The following GGH variants were observed in gnomAD, a reference collection of about 807,000 sequenced individuals.
GGH encodes gamma-glutamyl hydrolase, also known as gamma-Glu-X carboxypeptidase.
In GGH, 18 loss-of-function variants were observed where a neutral mutation model predicts 39.2. The observed-to-expected ratio is 0.46, with a 90% CI of 0.32 to 0.68. The LOEUF (loss-of-function observed/expected upper bound fraction) is 0.68, where lower values mean the gene tolerates loss of function less well. Ranked by LOEUF, GGH falls within the 30% of genes least tolerant of loss-of-function variation. The pLI is 0.04. For missense variants in GGH, 367 were observed against 384.1 expected, an observed-to-expected ratio of 0.96 and a Z score of 0.37; for synonymous variants, 147 against 138.8, an observed-to-expected ratio of 1.06 and a Z score of -0.42.
At chr8:63,021,669 CTTTTTT>C (rs752057959) in intron 7 of GGH, among the ~76,000 whole-genome samples, 2 of 93,312 alleles carry the variant, frequency 2.1e-5, no homozygotes, top group Non-Finnish European at 3.9e-5. Flanking sequence ...ATCTCATATC[CTTTTTT>C]TTTTTTTTTT....
rs1395657911 is a variant in GGH at position 63,038,703 on chromosome 8, C to T, written c.66G>A (p.Glu22=). Residue 22 remains glutamate (E), a synonymous_variant, in exon 1 of 9, where the codon GAG becomes GAA. Coordinates refer to ENST00000260118, the MANE Select transcript of GGH (RefSeq NM_003878.3). ...CGGTGTCGCCGTGGGGTCTAGACAGCTCGAGGCTCGCCGCCCCGCAGAGTA... is the reference window on the plus strand; with the variant it reads ...CGGTGTCGCCGTGGGGTCTAGACAGTTCGAGGCTCGCCGCCCCGCAGAGTA... ...GLLLCGAASL[E]LSRPHGDTAK... is the part of the protein sequence containing the mutation. The T allele has an allele frequency of 1.3e-6, 2 of 1,584,520 alleles. No individual in the cohort carries two copies. The highest frequency in any genetic ancestry group is 8.6e-7 in the Non-Finnish European group (1 of 1,165,684).
chr8:63,027,229 G>A lies in GGH; in HGVS notation c.312C>T (p.Arg104=). The stretch of plus-strand genomic sequence containing the variant: ...TTTTGGCCACTTTAGCATAATCTGA[G>A]CGTCTGAGGTCAACACTTCCTCCAG... ...LFPGGSVDLR[R]SDYAKVAKIF... is the part of the protein sequence containing the mutation. Residue 104 remains arginine (R), a synonymous_variant, in exon 4 of 9, where the codon CGC becomes CGT. Transcript: ENST00000260118. 6.3e-7 allele frequency: 1 copy of A among 1,595,336 alleles called. No homozygotes were observed. Among genetic ancestry groups the A allele is most frequent in the African/African-American group, 1.3e-5 (1 of 74,570 alleles).
At chr8:63,015,943 T>G (rs1364732832) in intron 8 of GGH, among the ~76,000 whole-genome samples, 1 of 152,118 alleles carries the variant, frequency 6.6e-6, no homozygotes, top group Non-Finnish European at 1.5e-5. Context: ...GATAAAAATG[T>G]TTTTATGGTA....
Position 63,017,513 on chromosome 8 carries a change from G to A in GGH, c.815C>T (p.Ala272Val). 2.5e-6 allele frequency: 4 copies of A among 1,610,192 alleles called. No homozygotes were observed. The highest frequency in any genetic ancestry group is 3.4e-6 in the Non-Finnish European group (4 of 1,178,262). The part of the protein sequence containing the change: ...PNAVKTAFYL[A>V]EFFVNEARKN... The stretch of plus-strand genomic sequence containing the variant: ...ATTACCTTCATTAACAAAAAACTCT[G>A]CTAAATAAAATGCGGTTTTCACAGC... The change falls in exon 8 of 9, where the codon GCA becomes GTA. Residue 272 changes from alanine to valine, a missense_variant. Ala to Val is a moderately conservative substitution (Grantham distance 64). Transcript: ENST00000260118.
Position 63,026,326 on chromosome 8 carries a change from T to C in GGH, c.361-30A>G, listed in dbSNP as rs574560619. On this transcript the variant is annotated intron_variant, in intron 4 of 8. Coordinates refer to ENST00000260118, the MANE Select transcript of GGH (RefSeq NM_003878.3). Reference sequence around the variant, plus strand: ...GCAAGTGGAAAAAGAGAAAACTAAGTTTATTCAAACTTTTCAAAATAAAAA... The same window carrying C: ...GCAAGTGGAAAAAGAGAAAACTAAGCTTATTCAAACTTTTCAAAATAAAAA... 3.2e-6 allele frequency: 5 copies of C among 1,567,504 alleles called. No homozygotes were observed. In the Admixed American group the frequency reaches 7.5e-5, roughly 24 times the overall value.
At chr8:63,038,061 T>C (rs186128463) in intron 1 of GGH, among the ~76,000 whole-genome samples, 1 of 152,234 alleles carries the variant, frequency 6.6e-6, no homozygotes, top group Non-Finnish European at 1.5e-5. Context: ...ATGTGTGTTT[T>C]GGTAACACAG....
At chr8:63,035,596 C>T (rs1380408243) in intron 2 of GGH, 60 bp downstream of exon 2, 10 of 1,563,746 alleles carry the variant, frequency 6.4e-6, no homozygotes, top group African/African-American at 2.8e-5. Flanking sequence ...TGAGGCACCG[C>T]ACCCGTACGC....
At chr8:63,021,871 G>A (rs962381834) in intron 7 of GGH, among the ~76,000 whole-genome samples, 1 of 151,382 alleles carries the variant, frequency 6.6e-6, no homozygotes, top group Admixed American at 6.6e-5. Context: ...ACGGGGTTTC[G>A]CCATGTTGGC....
intron 2 of GGH, among the ~76,000 whole-genome samples, chr8:63,034,174 C>T (rs548783146): frequency 2.6e-5 from 4 of 151,650 alleles, no homozygotes; most frequent in South Asian, 2.1e-4. Context: ...TCTTCCTCAG[C>T]TCTAAAACTC....
intron 1 of GGH, among the ~76,000 whole-genome samples, chr8:63,036,225 A>G (rs1804905876): frequency 6.6e-6 from 1 of 152,092 alleles, no homozygotes; most frequent in African/African-American, 2.4e-5. Context: ...TCCCCACCAC[A>G]CTATCATAAT....
chr8:63,021,594 C>A (rs1373324659), intron 7 of GGH, among the ~76,000 whole-genome samples: 2 of 150,956 alleles, frequency 1.3e-5, no homozygotes, highest in African/African-American at 4.9e-5. Context: ...TTACACTGAG[C>A]AACTTATCTC....
intron 8 of GGH, chr8:63,017,227 A>C (rs187013793): frequency 7.7e-5 from 26 of 335,994 alleles, no homozygotes; most frequent in Non-Finnish European, 1.1e-4. Flanking sequence ...CAAAAAAAAA[A>C]CTCTCAACAT....
chr8:63,016,383 G>A (rs1804488073), intron 8 of GGH, among the ~76,000 whole-genome samples: 2 of 152,076 alleles, frequency 1.3e-5, no homozygotes, highest in South Asian at 2.1e-4. Context: ...TGATTCTAAA[G>A]CAGAGTGAAC....
chr8:63,025,538 G>C (rs1804668044), intron 5 of GGH, among the ~76,000 whole-genome samples: 1 of 152,116 alleles, frequency 6.6e-6, no homozygotes. Flanking sequence ...TTTGAGACCA[G>C]CCTGGCCAAT....
rs756429622 is a variant in GGH, at chr8:63,015,359, T to A, written c.930A>T (p.Ser310=). 1.0e-5 allele frequency: 14 copies of A among 1,405,358 alleles called. No individual in the cohort carries two copies. The East Asian group carries it at 2.3e-4, about 23-fold the overall frequency. 87.1% of individuals were successfully genotyped at this position (1,405,358 alleles called of 1,614,324 possible). A position where few individuals can be genotyped will look rare whatever the true frequency, so the allele number is the denominator to read the frequency against. The change falls in exon 9 of 9, where the codon TCA becomes TCT. Residue 310 remains serine, a synonymous_variant. Coordinates refer to ENST00000260118, the MANE Select transcript of GGH (RefSeq NM_003878.3). ...FSPIYTGNIS[S]FQQCYIFD ...AATCAAATATGTAACATTGCTGAAA[T>A]GAAGAAATATTTCCAGTATAAATTG... is the stretch of plus-strand genomic sequence containing the variant.
intron 2 of GGH, among the ~76,000 whole-genome samples, chr8:63,033,184 AT>A (rs1169966799): frequency 3.9e-5 from 6 of 152,234 alleles, no homozygotes; most frequent in African/African-American, 1.4e-4. Flanking sequence ...AGCTTCCTCC[AT>A]TAACATCTTG....
At chr8:63,036,587 G>C (rs1406007984) in intron 1 of GGH, among the ~76,000 whole-genome samples, 1 of 152,166 alleles carries the variant, frequency 6.6e-6, no homozygotes, top group Non-Finnish European at 1.5e-5. Flanking sequence ...ATCTATGTAG[G>C]AAAGGACAGT....
chr8:63,021,822 C>T (rs901991084), intron 7 of GGH, among the ~76,000 whole-genome samples: 28 of 151,734 alleles, frequency 1.8e-4, no homozygotes, highest in African/African-American at 4.4e-4. Flanking sequence ...TACAGGCGTG[C>T]GCCACCACGC....
At chr8:63,036,316 G>A (rs1585675519) in intron 1 of GGH, among the ~76,000 whole-genome samples, 1 of 152,086 alleles carries the variant, frequency 6.6e-6, no homozygotes, top group South Asian at 2.1e-4. Flanking sequence ...GAAGCAAATC[G>A]GATCATATCA....
Sources: gnomAD v4.1 joint callset for allele counts (sites outside exome capture counted in the v4.1 genomes callset) on GRCh38, gnomAD v4.1.1 for gene constraint, MANE v1.5 for transcripts, NCBI Gene and HGNC (gene_info 2026-07-23, HGNC 2026-07-21) for gene names.